The following ADGRB3 variants were observed in gnomAD, a reference collection of about 807,000 sequenced individuals.
ADGRB3 encodes the protein adhesion G protein-coupled receptor B3, also known as brain-specific angiogenesis inhibitor 3.
Under a neutral mutation model 193.4 loss-of-function variants are expected in ADGRB3, and 37 were observed. The ratio of observed to expected loss-of-function variants is 0.19; its 90% CI spans 0.15 to 0.25. The LOEUF (loss-of-function observed/expected upper bound fraction) is 0.25. ADGRB3 is among the 10% of genes least tolerant of loss of function. The pLI is 1.00. For missense variants in ADGRB3, 1,637 were observed against 1,852.9 expected, an observed-to-expected ratio of 0.88 and a Z score of 2.14; for synonymous variants, 690 against 644.2, an observed-to-expected ratio of 1.07 and a Z score of -1.08.
chr6:69,319,020 CA>C (rs1768380442), intron 20 of ADGRB3, among the ~76,000 whole-genome samples: 1 of 150,872 alleles, frequency 6.6e-6, no homozygotes. Flanking sequence ...TACTGTTCTT[CA>C]AATTTTCTGG....
At chr6:68,672,590 C>G (rs79719403) in intron 3 of ADGRB3, among the ~76,000 whole-genome samples, 1 of 151,896 alleles carries the variant, frequency 6.6e-6, no homozygotes, top group African/African-American at 2.4e-5. Context: ...GCAAAGATCA[C>G]AGGGCTGCCT....
intron 13 of ADGRB3, among the ~76,000 whole-genome samples, chr6:69,020,322 A>T (rs1770226311): frequency 6.6e-6 from 1 of 152,074 alleles, no homozygotes; most frequent in African/African-American, 2.4e-5. Flanking sequence ...TTTAAACTTA[A>T]ATTTGGATTT....
intron 11 of ADGRB3, among the ~76,000 whole-genome samples, chr6:68,997,984 C>T (rs1338105841): frequency 1.3e-5 from 2 of 152,008 alleles, no homozygotes; most frequent in African/African-American, 4.8e-5. Context: ...CTAACAAATC[C>T]ATAGAATTGT....
intron 26 of ADGRB3, among the ~76,000 whole-genome samples, chr6:69,340,003 A>C (rs1016985486): frequency 1.3e-5 from 2 of 152,186 alleles, no homozygotes; most frequent in Non-Finnish European, 2.9e-5. Flanking sequence ...TTGTCTCTAT[A>C]CTAAGTTTTG....
intron 13 of ADGRB3, among the ~76,000 whole-genome samples, chr6:69,046,201 T>G (rs570919889): frequency 1.3e-5 from 2 of 152,214 alleles, no homozygotes; most frequent in African/African-American, 2.4e-5. Context: ...TATTCTCTTT[T>G]ATAATAGAAA....
chr6:69,086,886 G>A (rs2150316172), intron 17 of ADGRB3, among the ~76,000 whole-genome samples: 1 of 152,170 alleles, frequency 6.6e-6, no homozygotes, highest in East Asian at 1.9e-4. Context: ...GAATGACATA[G>A]CATTTTTAAC....
chr6:69,029,034 G>T (rs1330543906), intron 13 of ADGRB3, among the ~76,000 whole-genome samples: 2 of 152,100 alleles, frequency 1.3e-5, no homozygotes, highest in African/African-American at 2.4e-5. Flanking sequence ...CATTCAGAGT[G>T]GGTGCATTTT....
Position 69,199,820 on chromosome 6 carries a change from T to C in ADGRB3, c.2481-33470T>C, listed in dbSNP as rs568303623. On this transcript the variant is annotated intron_variant, in intron 17 of 31. Coordinates refer to ENST00000370598, the MANE Select transcript of ADGRB3 (RefSeq NM_001704.3). ...GCTCTCTGTTCTTCATGACCTTGGATTCAAACTGAGAGTAATAATAGTGAC... is the reference window on the plus strand; with the variant it reads ...GCTCTCTGTTCTTCATGACCTTGGACTCAAACTGAGAGTAATAATAGTGAC... Among the ~76,000 whole-genome samples, 26 of 152,226 alleles carry C rather than the reference T, an allele frequency of 1.7e-4. 1 individual carries two copies. Among genetic ancestry groups the C allele is most frequent in the African/African-American group, 5.5e-4 (23 of 41,568 alleles).
chr6:69,069,743 A>AG (rs2150310521), intron 16 of ADGRB3, among the ~76,000 whole-genome samples: 1 of 132,656 alleles, frequency 7.5e-6, no homozygotes, highest in African/African-American at 2.6e-5. Flanking sequence ...AAAAAAAAAA[A>AG]AAAAAAAGAA....
intron 17 of ADGRB3, among the ~76,000 whole-genome samples, chr6:69,104,257 A>G (rs546389130): frequency 1.2e-3 from 177 of 143,696 alleles, no homozygotes; most frequent in African/African-American, 4.4e-3. Context: ...TCATTGTTCA[A>G]TTCCCACCTA....
chr6:69,118,635 G>A (rs552943265), intron 17 of ADGRB3, among the ~76,000 whole-genome samples: 102 of 151,788 alleles, frequency 6.7e-4, no homozygotes, highest in African/African-American at 2.4e-3. Context: ...CTGTAGTAGA[G>A]GGTGTCACAC....
At chr6:69,051,748 T>C (rs1771399547) in intron 15 of ADGRB3, among the ~76,000 whole-genome samples, 1 of 150,354 alleles carries the variant, frequency 6.7e-6, no homozygotes, top group Non-Finnish European at 1.5e-5. Context: ...TGAACAAGGG[T>C]GATTCTTTTT....
intron 11 of ADGRB3, among the ~76,000 whole-genome samples, chr6:69,010,848 T>A (rs1769910903): frequency 6.6e-6 from 1 of 150,860 alleles, no homozygotes; most frequent in Non-Finnish European, 1.5e-5. Flanking sequence ...GGTGTTGACC[T>A]TTTTATTTTA....
chr6:68,889,666 C>A (rs1766017565), intron 3 of ADGRB3, among the ~76,000 whole-genome samples: 1 of 151,964 alleles, frequency 6.6e-6, no homozygotes, highest in Admixed American at 6.6e-5. Context: ...CCACGCCTGG[C>A]TAATTTTTTG....
chr6:68,749,408 A>ATGTGTGTG (rs60078030), intron 3 of ADGRB3, among the ~76,000 whole-genome samples: 1,952 of 136,528 alleles, frequency 0.014, 16 homozygotes, highest in South Asian at 0.024. Flanking sequence ...ATATATATAT[A>ATGTGTGTG]TGTGTGTGTG....
At chr6:69,018,128 A>G (rs550668630) in intron 12 of ADGRB3, among the ~76,000 whole-genome samples, 3 of 152,004 alleles carry the variant, frequency 2.0e-5, no homozygotes, top group Admixed American at 1.3e-4. Context: ...TTTTTTGAGG[A>G]GACAATCTGT....
chr6:68,728,232 A>T (rs761569306), intron 3 of ADGRB3, among the ~76,000 whole-genome samples: 1 of 151,468 alleles, frequency 6.6e-6, no homozygotes, highest in Non-Finnish European at 1.5e-5. Context: ...GCAGCTTGAT[A>T]ACATATTTGG....
chr6:68,683,836 T>C (rs915791569), intron 3 of ADGRB3, among the ~76,000 whole-genome samples: 1 of 152,092 alleles, frequency 6.6e-6, no homozygotes, highest in Non-Finnish European at 1.5e-5. Flanking sequence ...ATATAAGGCA[T>C]AGCAAATGCA....
chr6:68,642,996 T>C (rs1402691776), intron 3 of ADGRB3, among the ~76,000 whole-genome samples: 1 of 152,228 alleles, frequency 6.6e-6, no homozygotes, highest in East Asian at 1.9e-4. Context: ...AAATATCTTA[T>C]TTCTTACCAC....
Sources: allele counts gnomAD v4.1 joint callset (sites outside exome capture counted in the v4.1 genomes callset), GRCh38; gene constraint gnomAD v4.1.1; transcripts MANE v1.5; gene names NCBI Gene and HGNC (gene_info 2026-07-23, HGNC 2026-07-21).